Variants in RBMS1 observed in about 807,000 individuals in gnomAD.
RBMS1 encodes the protein RNA binding motif single stranded interacting protein 1, also known as RNA-binding motif, single-stranded-interacting protein 1.
Under a neutral mutation model 62.3 loss-of-function variants are expected in RBMS1, and 17 were observed. The ratio of observed to expected loss-of-function variants is 0.27; its 90% CI spans 0.19 to 0.41. The LOEUF is 0.41. Ranked by LOEUF, RBMS1 falls within the 10% of genes least tolerant of loss-of-function variation. The pLI is 1.00. For synonymous variants in RBMS1, 172 were observed against 170.0 expected (o/e 1.01, Z -0.09); for missense variants, 334 against 504.5 (o/e 0.66, Z 3.24).
chr2:160,327,710 G>C (rs1351382472), intron 2 of RBMS1, among the ~76,000 whole-genome samples: 2 of 152,092 alleles, frequency 1.3e-5, no homozygotes, highest in Non-Finnish European at 2.9e-5. Context: ...ACCCAAATTA[G>C]TGCTCCCGAG....
At chr2:160,291,770 T>C (rs1021941815) in intron 6 of RBMS1, among the ~76,000 whole-genome samples, 2 of 152,206 alleles carry the variant, frequency 1.3e-5, no homozygotes, top group Non-Finnish European at 1.5e-5. Flanking sequence ...TTTCTTCTTA[T>C]TGAAATTCTC....
intron 6 of RBMS1, among the ~76,000 whole-genome samples, chr2:160,299,599 C>A (rs572103872): frequency 6.6e-6 from 1 of 152,104 alleles, no homozygotes; most frequent in Non-Finnish European, 1.5e-5. Flanking sequence ...CTCAATGAGA[C>A]GGCACCTCAA....
At chr2:160,301,829 A>T (rs1689225089) in intron 5 of RBMS1, among the ~76,000 whole-genome samples, 1 of 152,234 alleles carries the variant, frequency 6.6e-6, no homozygotes, top group Non-Finnish European at 1.5e-5. Context: ...TTTCTTCTAT[A>T]TAAAACAACA....
At chr2:160,448,455 T>A (rs1683770896) in intron 1 of RBMS1, among the ~76,000 whole-genome samples, 1 of 152,230 alleles carries the variant, frequency 6.6e-6, no homozygotes, top group Non-Finnish European at 1.5e-5. Context: ...CAGCCACGCC[T>A]GACTGGTTTT....
intron 2 of RBMS1, among the ~76,000 whole-genome samples, chr2:160,324,263 A>G (rs1690758385): frequency 6.6e-6 from 1 of 151,030 alleles, no homozygotes; most frequent in Non-Finnish European, 1.5e-5. Flanking sequence ...GTGCGCGTGC[A>G]CACACACACA....
At chr2:160,439,003 G>A (rs1439001979) in intron 1 of RBMS1, among the ~76,000 whole-genome samples, 2 of 149,542 alleles carry the variant, frequency 1.3e-5, no homozygotes, top group African/African-American at 4.9e-5. Flanking sequence ...CGGGGCGGCT[G>A]GCCAGGCGGG....
At chr2:160,338,778 A>T (rs971776346) in intron 2 of RBMS1, among the ~76,000 whole-genome samples, 1 of 152,236 alleles carries the variant, frequency 6.6e-6, no homozygotes, top group Non-Finnish European at 1.5e-5. Context: ...GGTAGTGGCC[A>T]TAAGACAGAG....
intron 1 of RBMS1, among the ~76,000 whole-genome samples, chr2:160,430,572 G>A (rs576211680): frequency 2.0e-5 from 3 of 152,188 alleles, no homozygotes; most frequent in African/African-American, 7.2e-5. Flanking sequence ...TCAAGTATTG[G>A]TTAACAACTA....
chr2:160,343,858 T>C (rs1692029578), intron 2 of RBMS1, among the ~76,000 whole-genome samples: 1 of 152,168 alleles, frequency 6.6e-6, no homozygotes, highest in Non-Finnish European at 1.5e-5. Flanking sequence ...TTTTTCAAAG[T>C]TCAAGAACAT....
chr2:160,439,171 G>A (rs1683273970), intron 1 of RBMS1, among the ~76,000 whole-genome samples: 1 of 151,134 alleles, frequency 6.6e-6, no homozygotes, highest in Admixed American at 6.6e-5. Context: ...CTCCCGGACG[G>A]GGCGGCTGGC....
intron 2 of RBMS1, among the ~76,000 whole-genome samples, chr2:160,347,672 T>C (rs1000079612): frequency 1.3e-5 from 2 of 152,112 alleles, no homozygotes; most frequent in African/African-American, 4.8e-5. Flanking sequence ...CCAATTTCTA[T>C]CTGTGGAAGT....
At chr2:160,487,513 G>A (rs1685645750) in intron 1 of RBMS1, among the ~76,000 whole-genome samples, 1 of 152,202 alleles carries the variant, frequency 6.6e-6, no homozygotes. Context: ...GGGTCACTCA[G>A]TAAATACAAT....
At chr2:160,425,224 C>A (rs557664816) in intron 1 of RBMS1, among the ~76,000 whole-genome samples, 8 of 152,244 alleles carry the variant, frequency 5.3e-5, no homozygotes, top group African/African-American at 1.9e-4. Flanking sequence ...TTGTTCAGTG[C>A]CTCTGTAAAT....
At chr2:160,407,801 C>T (rs1695836776) in intron 1 of RBMS1, 3 of 981,182 alleles carry the variant, frequency 3.1e-6, no homozygotes, top group South Asian at 9.4e-5. Context: ...GTGCCATGGA[C>T]GGGAGTTCGC....
chr2:160,351,731 C>T (rs1275613141), intron 2 of RBMS1, among the ~76,000 whole-genome samples: 1 of 152,110 alleles, frequency 6.6e-6, no homozygotes, highest in Non-Finnish European at 1.5e-5. Flanking sequence ...ACCAGATTCT[C>T]CTTTCCAATG....
At chr2:160,343,730 G>C (rs1692019226) in intron 2 of RBMS1, among the ~76,000 whole-genome samples, 1 of 152,138 alleles carries the variant, frequency 6.6e-6, no homozygotes, top group Admixed American at 6.5e-5. Flanking sequence ...GCCATTAGGA[G>C]AATAATTAGA....
chr2:160,375,005 G>A (rs1693921757), intron 1 of RBMS1, among the ~76,000 whole-genome samples: 1 of 152,152 alleles, frequency 6.6e-6, no homozygotes, highest in South Asian at 2.1e-4. Flanking sequence ...TCCTGGCCAG[G>A]AGCAGGAATG....
At chr2:160,480,376 C>A (rs1685316876) in intron 1 of RBMS1, among the ~76,000 whole-genome samples, 1 of 152,072 alleles carries the variant, frequency 6.6e-6, no homozygotes, top group Admixed American at 6.5e-5. Flanking sequence ...AGCTCCTTTT[C>A]AAAATTAATT....
chr2:160,447,682 T>C (rs569991159), intron 1 of RBMS1, among the ~76,000 whole-genome samples: 1 of 152,324 alleles, frequency 6.6e-6, no homozygotes, highest in African/African-American at 2.4e-5. Flanking sequence ...CAAATGTCCA[T>C]TTATAGTTGA....
Sources: allele counts gnomAD v4.1 joint callset (sites outside exome capture counted in the v4.1 genomes callset), GRCh38; gene constraint gnomAD v4.1.1; transcripts MANE v1.5; gene names NCBI Gene and HGNC (gene_info 2026-07-23, HGNC 2026-07-21).